The following IPO13 variants were observed in gnomAD, a reference collection of about 807,000 sequenced individuals.
IPO13 encodes importin-13.
A neutral mutation model predicts 115.5 loss-of-function variants in IPO13; 28 were observed. The ratio of observed to expected loss-of-function variants is 0.24; its 90% CI spans 0.18 to 0.33. The LOEUF (loss-of-function observed/expected upper bound fraction) is 0.33. Among genes scored for constraint, IPO13 ranks in the 10% least tolerant of loss-of-function variants. IPO13 has a pLI of 1.00. For missense variants in IPO13, 785 were observed against 1,204.6 expected (o/e 0.65, Z 5.16); for synonymous variants, 414 against 478.9 (o/e 0.86, Z 1.77).
rs1048992851 is a variant in IPO13, at chr1:43,957,337, C to T, written c.1392+22C>T. The T allele has an allele frequency of 5.0e-6, 8 of 1,613,358 alleles. No individual in the cohort carries two copies. In the African/African-American group the frequency reaches 1.1e-4, roughly 22 times the overall value. On this transcript the variant is annotated intron_variant, in intron 6 of 19. Coordinates refer to ENST00000372343, the MANE Select transcript of IPO13 (RefSeq NM_014652.4). ...GCAGGTACCTCCCAAGCCTGATTCC[C>T]TCAGCCTTCCCAGACCTGTCACACC...
At chr1:43,954,518 A>G (rs2085231110) in intron 2 of IPO13, among the ~76,000 whole-genome samples, 2 of 152,166 alleles carry the variant, frequency 1.3e-5, no homozygotes, top group Non-Finnish European at 1.5e-5. Flanking sequence ...CCTAACATAG[A>G]TTGCTATGGT....
Position 43,962,791 on chromosome 1 carries a change from A to G in IPO13, c.2345-1478A>G, listed in dbSNP as rs559488671. ...AAACTGCATCCCATACACACTGCTG[A>G]CACAGCACTGATCACACACAATAAT... On this transcript the variant is annotated intron_variant, in intron 14 of 19. Transcript: ENST00000372343. 2.6e-5 allele frequency among the ~76,000 whole-genome samples: 4 copies of G among 152,364 alleles called. No homozygotes were observed. The South Asian group carries it at 8.3e-4, about 32-fold the overall frequency.
rs991331467 is a variant in IPO13, at chr1:43,966,637, G to T, written c.2460G>T (p.Gln820His). 8.1e-6 allele frequency: 13 copies of T among 1,614,076 alleles called. No individual in the cohort carries two copies. The highest frequency in any genetic ancestry group is 1.1e-5 in the Non-Finnish European group (13 of 1,180,026). ...GATTGGATGTCAAAGCTGTGTTCCA[G>T]TGTGGTAAGTGGGGCGAGATGGACA... The part of the protein sequence containing the change: ...CERLDVKAVF[Q>H]CAVLALKFPE... Residue 820 changes from glutamine to histidine, a missense_variant, in exon 16 of 20, where the codon CAG (glutamine) becomes CAT (histidine). Around this residue, in one of 3 missense-constraint regions of IPO13, gnomAD observed 285 missense variants for 394.8 expected, o/e 0.72. Transcript: ENST00000372343. This position sits in a 1 kb window ranked among gnomAD's most constrained non-coding sequence, Gnocchi z 4.1.
intron 14 of IPO13, 48 bp downstream of exon 14, chr1:43,961,310 C>A (rs757032458): frequency 2.0e-6 from 3 of 1,480,776 alleles, no homozygotes; most frequent in Non-Finnish European, 2.8e-6. Context: ...GCCACTGCCT[C>A]TGCTTCCCCA....
chr1:43,966,771 T>C lies in IPO13; in HGVS notation c.2512T>C (p.Cys838Arg). The C allele has an allele frequency of 1.2e-6, 2 of 1,614,176 alleles. No homozygotes were observed. The highest frequency in any genetic ancestry group is 1.7e-6 in the Non-Finnish European group (2 of 1,180,008). Residue 838 changes from cysteine to arginine, a missense_variant, in exon 17 of 20, where the codon TGT (cysteine) becomes CGT (arginine). Coordinates refer to ENST00000372343, the MANE Select transcript of IPO13 (RefSeq NM_014652.4). The surrounding 1 kb of genome is among the most constrained non-coding windows in gnomAD (Gnocchi z 4.1). Reference sequence around the variant, plus strand: ...TGAGGCACCTACTGTCAAGGCCTCCTGTGGCTTCTTTGTGAGTCCCATGCT... The same window carrying C: ...TGAGGCACCTACTGTCAAGGCCTCCCGTGGCTTCTTTGTGAGTCCCATGCT... Reference protein sequence around the residue: ...FPEAPTVKASCGFFTELLPRC... With the variant: ...FPEAPTVKASRGFFTELLPRC...
intron 11 of IPO13, among the ~76,000 whole-genome samples, chr1:43,959,563 A>G (rs1437987549): frequency 1.3e-5 from 2 of 152,170 alleles, no homozygotes; most frequent in African/African-American, 4.8e-5. Context: ...CATATTGTAA[A>G]GTTCTTTACA....
chr1:43,966,560 C>T lies in IPO13; in HGVS notation c.2398-15C>T. ...AGCTGGCTGGGGCTGGGCTTACCAG[C>T]TCCACCTCCTGCAGGCTCTGAAGCG... On this transcript the variant is annotated splice_polypyrimidine_tract_variant and intron_variant, in intron 15 of 19. Coordinates refer to ENST00000372343, the MANE Select transcript of IPO13 (RefSeq NM_014652.4). This position sits in a 1 kb window ranked among gnomAD's most constrained non-coding sequence, Gnocchi z 4.1. The T allele has an allele frequency of 6.2e-7, 1 of 1,613,934 alleles. No homozygotes were observed. The highest frequency in any genetic ancestry group is 8.5e-7 in the Non-Finnish European group (1 of 1,179,876).
rs138531518 is a variant in IPO13, at chr1:43,948,007, A to T, written c.84+323A>T. Among the ~76,000 whole-genome samples, 5 of 152,328 alleles carry T rather than the reference A, an allele frequency of 3.3e-5. No homozygotes were observed. The East Asian group carries it at 9.7e-4, about 29-fold the overall frequency. On this transcript the variant is annotated intron_variant, in intron 1 of 19. Coordinates refer to ENST00000372343, the MANE Select transcript of IPO13 (RefSeq NM_014652.4). ...TGAGCAGTGCAGTAGGAAACTGGGA[A>T]CCCAGGAGACCTGCAGCTCAGTCTC...
At position 43,957,299 on chromosome 1, in the gene IPO13, A is replaced by C. The variant is rs372057470; in HGVS notation, c.1376A>C (p.Glu459Ala). The change falls in exon 6 of 20, where the codon GAG becomes GCG. Residue 459 changes from glutamate (E) to alanine (A), a missense_variant. This residue lies in a region of IPO13 where 175 missense variants were observed against 360.0 expected (regional missense o/e 0.49). Coordinates refer to ENST00000372343, the MANE Select transcript of IPO13 (RefSeq NM_014652.4). ...KLGRLLTSSEEPYSWQHTEAL... is the reference protein window; with the variant it reads ...KLGRLLTSSEAPYSWQHTEAL... ...GGTCGTTTGCTCACCAGCTCAGAGGAGCCCTACTCCTGGCAGGTACCTCCC... is the reference window on the plus strand; with the variant it reads ...GGTCGTTTGCTCACCAGCTCAGAGGCGCCCTACTCCTGGCAGGTACCTCCC... 4 of 1,613,788 alleles carry C rather than the reference A, an allele frequency of 2.5e-6. No individual in the cohort carries two copies. The highest frequency in any genetic ancestry group is 3.4e-6 in the Non-Finnish European group (4 of 1,179,852).
intron 7 of IPO13, 96 bp from the exon 8 acceptor site, chr1:43,957,881 A>T (rs1372353567): frequency 1.6e-6 from 2 of 1,217,384 alleles, no homozygotes; most frequent in African/African-American, 3.0e-5. Flanking sequence ...TGGGGCTGCA[A>T]CTTGACCCTG....
At chr1:43,950,418 C>T (rs7556565) in intron 2 of IPO13, among the ~76,000 whole-genome samples, 89,908 of 144,454 alleles carry the variant, frequency 0.62, 31,709 homozygotes, top group Non-Finnish European at 0.79. Context: ...CTGGCTGTTC[C>T]CCTCCTGACC....
At position 43,956,638 on chromosome 1, in the gene IPO13, T is replaced by G. The variant is rs748406163; in HGVS notation, c.1041T>G (p.Pro347=). ...TGATTATGTTCTGCACAGGCATCCC[T>G]GGCCACTATCCTGTCAATGAGACCA... ...VNMIMFCTGI[P]GHYPVNETTS... Residue 347 remains proline, a synonymous_variant, in exon 4 of 20, where the codon CCT becomes CCG. Transcript: ENST00000372343. This position sits in a 1 kb window ranked among gnomAD's most constrained non-coding sequence, Gnocchi z 4.7. 6.2e-6 allele frequency: 10 copies of G among 1,614,134 alleles called. No homozygotes were observed. The highest frequency in any genetic ancestry group is 8.5e-6 in the Non-Finnish European group (10 of 1,180,040).
At position 43,966,816 on chromosome 1, in the gene IPO13, C is replaced by G. The variant is rs774162994; in HGVS notation, c.2523+34C>G. ...CATGCTGAACCCTGACCCACTGCCA[C>G]CCCAGTGCCCTCCCCTGCCCAGGAC... On this transcript the variant is annotated intron_variant, in intron 17 of 19. Coordinates refer to ENST00000372343, the MANE Select transcript of IPO13 (RefSeq NM_014652.4). The surrounding 1 kb of genome is among the most constrained non-coding windows in gnomAD (Gnocchi z 4.1). 1 of 1,612,198 alleles carries G rather than the reference C, an allele frequency of 6.2e-7. No individual in the cohort carries two copies. The highest frequency in any genetic ancestry group is 2.2e-5 in the East Asian group (1 of 44,848).
At chr1:43,954,026 A>G (rs951269874) in intron 2 of IPO13, among the ~76,000 whole-genome samples, 4 of 152,234 alleles carry the variant, frequency 2.6e-5, no homozygotes, top group African/African-American at 9.6e-5. Flanking sequence ...TGAGGCTCAG[A>G]TGAGACAAAT....
At chr1:43,949,237 G>T (rs2085188605) in intron 1 of IPO13, 180 bp from the exon 2 acceptor site, 1 of 608,228 alleles carries the variant, frequency 1.6e-6, no homozygotes, top group Admixed American at 3.0e-5. Context: ...CAAGGTTCAG[G>T]CTCTCAAGAT....
intron 11 of IPO13, among the ~76,000 whole-genome samples, chr1:43,959,416 G>A (rs1435165178): frequency 1.3e-5 from 2 of 152,134 alleles, no homozygotes; most frequent in African/African-American, 4.8e-5. Flanking sequence ...TAGGTTTTGG[G>A]GTGACCACTT....
Position 43,967,310 on chromosome 1 carries a change from C to G in IPO13, c.2614-5C>G, listed in dbSNP as rs2085332320. 1.9e-6 allele frequency: 3 copies of G among 1,611,872 alleles called. No homozygotes were observed. Among genetic ancestry groups the G allele is most frequent in the South Asian group, 2.2e-5 (2 of 91,036 alleles). ...CCTGGTGTGCTGAGAACCCCTCTCC[C>G]TCAGGCCATTGGGGGCCAGGCCTCC... is the stretch of plus-strand genomic sequence containing the variant. On this transcript the variant is annotated splice_region_variant and splice_polypyrimidine_tract_variant and intron_variant, in intron 18 of 19. Coordinates refer to ENST00000372343, the MANE Select transcript of IPO13 (RefSeq NM_014652.4). The surrounding 1 kb of genome is among the most constrained non-coding windows in gnomAD (Gnocchi z 6.1).
chr1:43,951,094 C>G (rs897386302), intron 2 of IPO13, among the ~76,000 whole-genome samples: 1 of 152,142 alleles, frequency 6.6e-6, no homozygotes, highest in African/African-American at 2.4e-5. Flanking sequence ...GCTTTAGGAA[C>G]CACAGCATGT....
intron 14 of IPO13, 35 bp downstream of exon 14, chr1:43,961,297 A>G (rs760824996): frequency 6.6e-7 from 1 of 1,516,506 alleles, no homozygotes; most frequent in East Asian, 2.3e-5. Flanking sequence ...TGCTGCTGCC[A>G]CTGCCACTGC....
Sources: gnomAD v4.1 joint callset for allele counts (sites outside exome capture counted in the v4.1 genomes callset) on GRCh38, gnomAD v4.1.1 for gene constraint, gnomAD v4.1.1 regional missense constraint, Gnocchi (gnomAD v3.1) non-coding constraint, MANE v1.5 for transcripts, NCBI Gene and HGNC (gene_info 2026-07-23, HGNC 2026-07-21) for gene names.